Variants in GALK2 observed in about 807,000 individuals in gnomAD.
GALK2 encodes the protein galactokinase 2.
GALK2 carries 36 observed loss-of-function variants against 52.4 expected under a neutral mutation model. That is an observed-to-expected ratio of 0.69 (90% confidence interval 0.53 to 0.91). The LOEUF is 0.91. Ranked by LOEUF, GALK2 falls within the 40% of genes least tolerant of loss-of-function variation. The probability of loss-of-function intolerance (pLI) is 0.00; values close to 1 mark genes in which losing one functional copy is unlikely to be tolerated. For missense variants in GALK2, 579 were observed against 559.1 expected, an observed-to-expected ratio of 1.04 and a Z score of -0.36; for synonymous variants, 176 against 199.1, an observed-to-expected ratio of 0.88 and a Z score of 0.98.
At chr15:49,299,755 CTTTCTTT>C (rs2034884715) in intron 8 of GALK2, among the ~76,000 whole-genome samples, 1 of 124,606 alleles carries the variant, frequency 8.0e-6, no homozygotes, top group African/African-American at 3.2e-5. Context: ...TTCTTTCTTT[CTTTCTTT>C]CTTTCTTTCT....
At chr15:49,365,253 C>G in intron 3 of GALK2, 6 of 1,181,860 alleles carry the variant, frequency 5.1e-6, no homozygotes, top group Non-Finnish European at 7.6e-6. Flanking sequence ...CAGGCAACAA[C>G]TGAGGCAATA....
chr15:49,312,973 A>G (rs1329157852), intron 8 of GALK2, among the ~76,000 whole-genome samples: 1 of 152,212 alleles, frequency 6.6e-6, no homozygotes, highest in Non-Finnish European at 1.5e-5. Flanking sequence ...TCTGCTGAGA[A>G]GTCCTATTAT....
intron 5 of GALK2, among the ~76,000 whole-genome samples, chr15:49,281,707 A>G (rs1463495169): frequency 6.6e-6 from 1 of 152,244 alleles, no homozygotes; most frequent in Non-Finnish European, 1.5e-5. Flanking sequence ...AAATAGAAAG[A>G]TGGTAGAAAC....
At chr15:49,287,937 T>C (rs916106873) in intron 7 of GALK2, among the ~76,000 whole-genome samples, 1 of 121,860 alleles carries the variant, frequency 8.2e-6, no homozygotes, top group Admixed American at 9.2e-5. Context: ...CTTTCTCATC[T>C]TGTTTCTCTG....
At chr15:49,174,941 C>G (rs549666097) in intron 1 of GALK2, among the ~76,000 whole-genome samples, 3 of 152,238 alleles carry the variant, frequency 2.0e-5, no homozygotes, top group African/African-American at 7.2e-5. Context: ...AAGAGAGAGT[C>G]TGCAGTGTGG....
chr15:49,330,960 C>A lies in GALK2; in HGVS notation c.*2801C>A, dbSNP rs146851655. 2.0e-5 allele frequency: 3 copies of A among 152,134 alleles called. No individual in the cohort carries two copies. Among genetic ancestry groups the A allele is most frequent in the African/African-American group, 7.2e-5 (3 of 41,386 alleles). The allele number at this position is 152,134 out of a possible 1,614,324, so 9.4% of individuals were successfully genotyped here. A position where few individuals can be genotyped will look rare whatever the true frequency, so the allele number is the denominator to read the frequency against. Reference sequence around the variant, plus strand: ...CAGGTGACAGAGTGAGACCCTGTTTCAACAACAACAACAAAAATGAATAGT... The same window carrying A: ...CAGGTGACAGAGTGAGACCCTGTTTAAACAACAACAACAAAAATGAATAGT... On this transcript the variant is annotated 3_prime_UTR_variant, in exon 10 of 10. Transcript: ENST00000560031.
chr15:49,291,397 C>T (rs1248480067), intron 7 of GALK2, among the ~76,000 whole-genome samples: 2 of 152,106 alleles, frequency 1.3e-5, no homozygotes, highest in African/African-American at 4.8e-5. Context: ...TGGTAAACCC[C>T]GCTTCCTGTC....
At chr15:49,294,111 TA>T (rs1237733776) in intron 8 of GALK2, among the ~76,000 whole-genome samples, 1 of 146,508 alleles carries the variant, frequency 6.8e-6, no homozygotes, top group Non-Finnish European at 1.5e-5. Flanking sequence ...AATAAATAAA[TA>T]AATAAATAAA....
downstream of GALK2, chr15:49,334,213 C>A: frequency 1.0e-6 from 1 of 978,214 alleles, no homozygotes; most frequent in Non-Finnish European, 1.2e-6. Context: ...GAATAAGAGA[C>A]AAACCTATCA....
chr15:49,294,825 C>T (rs2034312656), intron 8 of GALK2, among the ~76,000 whole-genome samples: 1 of 152,096 alleles, frequency 6.6e-6, no homozygotes, highest in Admixed American at 6.5e-5. Flanking sequence ...CAATTTTGAG[C>T]TGGATCCTTA....
chr15:49,169,738 G>A (rs1303292687), upstream of GALK2, among the ~76,000 whole-genome samples: 1 of 152,174 alleles, frequency 6.6e-6, no homozygotes, highest in Non-Finnish European at 1.5e-5. Flanking sequence ...GCCCACCAAT[G>A]CCTCTAACCT....
Position 49,328,217 on chromosome 15 carries a change from TC to T in GALK2, c.*59del. 1 of 1,544,778 alleles carries T rather than the reference TC, an allele frequency of 6.5e-7. No homozygotes were observed. The highest frequency in any genetic ancestry group is 8.7e-7 in the Non-Finnish European group (1 of 1,142,890). ...GGGCACTTAGGAATTGGCAGGACTT[TC>T]TGTGCCACAGTAAATTAATCTTCCT... On this transcript the variant is annotated 3_prime_UTR_variant, in exon 10 of 10. Coordinates refer to ENST00000560031, the MANE Select transcript of GALK2 (RefSeq NM_002044.4).
chr15:49,365,029 A>G (rs2044883471), intron 3 of GALK2: 2 of 509,418 alleles, frequency 3.9e-6, no homozygotes, highest in African/African-American at 3.8e-5. Flanking sequence ...CATATCATTG[A>G]AGACTTTCAG....
intron 3 of GALK2, chr15:49,235,553 T>G: frequency 1.9e-6 from 1 of 519,598 alleles, no homozygotes; most frequent in Non-Finnish European, 3.7e-6. Context: ...TACACCAGTT[T>G]AACAAGGACC....
chr15:49,349,441 C>T lies in GALK2; in HGVS notation c.427-18050C>T, dbSNP rs527753113. ...ATCAAAAATAAAATAAAATGTCTTT[C>T]TCTAAGAGCAAAATTTAAATACTTG... On this transcript the variant is annotated intron_variant, in intron 3 of 3. Transcript: ENST00000558399. Among the ~76,000 whole-genome samples the T allele has an allele frequency of 9.2e-5, 14 of 152,270 alleles. 2 individuals are homozygous for T. The South Asian group carries it at 2.7e-3, about 29-fold the overall frequency.
intron 3 of GALK2, among the ~76,000 whole-genome samples, chr15:49,222,631 C>G (rs1447361560): frequency 6.6e-6 from 1 of 152,140 alleles, no homozygotes; most frequent in Non-Finnish European, 1.5e-5. Flanking sequence ...CATGCTTTCT[C>G]TATGTCTATT....
chr15:49,161,821 C>T (rs7167338), intron 1 of GALK2: 52,729 of 159,622 alleles, frequency 0.33, 9,442 homozygotes, highest in East Asian at 0.58. Flanking sequence ...TGGGTTCAAG[C>T]GATTCTCCTG....
intron 8 of GALK2, among the ~76,000 whole-genome samples, chr15:49,292,842 T>C (rs1275597267): frequency 6.6e-6 from 1 of 152,128 alleles, no homozygotes; most frequent in Admixed American, 6.6e-5. Flanking sequence ...GCTACTTGTA[T>C]AAAAAATGGA....
At chr15:49,172,037 TG>T in intron 1 of GALK2, among the ~76,000 whole-genome samples, 1 of 152,304 alleles carries the variant, frequency 6.6e-6, no homozygotes. Flanking sequence ...CCTCCCAAAT[TG>T]CTGGGATTAC....
Sources: allele counts gnomAD v4.1 joint callset (sites outside exome capture counted in the v4.1 genomes callset), GRCh38; gene constraint gnomAD v4.1.1; transcripts MANE v1.5; gene names NCBI Gene and HGNC (gene_info 2026-07-23, HGNC 2026-07-21).